Variants in LRRTM4 observed in about 807,000 individuals in gnomAD.
LRRTM4 encodes the protein leucine rich repeat transmembrane neuronal 4.
Under a neutral mutation model 47.6 loss-of-function variants are expected in LRRTM4, and 25 were observed. That is an observed-to-expected ratio of 0.53 (90% CI 0.38 to 0.73). The LOEUF (loss-of-function observed/expected upper bound fraction) is 0.73. LRRTM4 is among the 30% of genes least tolerant of loss of function. The probability of loss-of-function intolerance (pLI) is 0.00; values close to 1 mark genes in which losing one functional copy is unlikely to be tolerated. For synonymous variants in LRRTM4, 311 were observed against 269.5 expected (o/e 1.15, Z -1.51); for missense variants, 638 against 713.4 (o/e 0.89, Z 1.20).
chr2:77,478,360 A>G (rs974773229), intron 3 of LRRTM4, among the ~76,000 whole-genome samples: 3 of 152,184 alleles, frequency 2.0e-5, no homozygotes, highest in African/African-American at 4.8e-5. Context: ...GGGTTTCACA[A>G]TCTTCAAAAT....
chr2:77,458,047 G>A (rs954169585), intron 3 of LRRTM4, among the ~76,000 whole-genome samples: 1 of 152,120 alleles, frequency 6.6e-6, no homozygotes, highest in Non-Finnish European at 1.5e-5. Flanking sequence ...TCGTTCATAA[G>A]GAGCATTGGT....
At chr2:77,391,013 GA>G (rs547262637) in intron 3 of LRRTM4, among the ~76,000 whole-genome samples, 1 of 151,860 alleles carries the variant, frequency 6.6e-6, no homozygotes, top group Admixed American at 6.6e-5. Flanking sequence ...TTCAGACAAT[GA>G]AAAGGAGCTT....
intron 3 of LRRTM4, among the ~76,000 whole-genome samples, chr2:76,939,928 T>C (rs1395826551): frequency 6.6e-6 from 1 of 152,176 alleles, no homozygotes; most frequent in African/African-American, 2.4e-5. Context: ...CTGACAATTA[T>C]TCATTATTTC....
At chr2:77,049,526 G>C (rs145328515) in intron 3 of LRRTM4, among the ~76,000 whole-genome samples, 1,962 of 151,774 alleles carry the variant, frequency 0.013, 16 homozygotes, top group Middle Eastern at 0.041. Context: ...ATTTTGATTG[G>C]TATTTCTCTG....
chr2:76,986,234 G>C (rs1307447965), intron 3 of LRRTM4, among the ~76,000 whole-genome samples: 5 of 150,014 alleles, frequency 3.3e-5, no homozygotes, highest in Admixed American at 3.3e-4. Context: ...TTAAAATTCT[G>C]TTCTTTTAGT....
chr2:77,403,208 CT>C (rs1674031523), intron 3 of LRRTM4, among the ~76,000 whole-genome samples: 3 of 151,916 alleles, frequency 2.0e-5, no homozygotes. Context: ...ATCAATTTGC[CT>C]TCCTATACTG....
chr2:77,320,519 A>T (rs1677757996), intron 3 of LRRTM4, among the ~76,000 whole-genome samples: 1 of 152,208 alleles, frequency 6.6e-6, no homozygotes, highest in African/African-American at 2.4e-5. Context: ...CTTATTTTAA[A>T]TTAAGAAAGT....
chr2:77,042,786 C>T (rs1679081494), intron 3 of LRRTM4, among the ~76,000 whole-genome samples: 1 of 151,720 alleles, frequency 6.6e-6, no homozygotes, highest in Admixed American at 6.6e-5. Context: ...AATAAAAGCA[C>T]TTGTAACTTC....
intron 3 of LRRTM4, among the ~76,000 whole-genome samples, chr2:77,344,136 C>T (rs944838840): frequency 6.6e-6 from 1 of 151,676 alleles, no homozygotes; most frequent in South Asian, 2.1e-4. Flanking sequence ...TAAACAGGGC[C>T]TAGAATTCCA....
intron 3 of LRRTM4, among the ~76,000 whole-genome samples, chr2:77,443,401 C>G (rs1264790164): frequency 6.6e-6 from 1 of 152,090 alleles, no homozygotes; most frequent in East Asian, 1.9e-4. Flanking sequence ...ATATAATACC[C>G]GTATGGTAGC....
chr2:77,056,920 A>T (rs1051276903), intron 3 of LRRTM4, among the ~76,000 whole-genome samples: 1 of 152,202 alleles, frequency 6.6e-6, no homozygotes, highest in African/African-American at 2.4e-5. Flanking sequence ...CAGACAAACT[A>T]TAGTTCATAT....
At chr2:76,842,274 C>G (rs1671706160) in intron 3 of LRRTM4, among the ~76,000 whole-genome samples, 2 of 152,188 alleles carry the variant, frequency 1.3e-5, no homozygotes. Context: ...CATTGGCTCT[C>G]TGGGCTCTCA....
intron 3 of LRRTM4, among the ~76,000 whole-genome samples, chr2:76,813,624 G>T (rs578203871): frequency 6.6e-6 from 1 of 152,216 alleles, no homozygotes; most frequent in East Asian, 1.9e-4. Context: ...AAATGATGAA[G>T]TAGGCCAAGT....
chr2:77,037,215 G>A lies in LRRTM4; in HGVS notation c.1552-288299C>T, dbSNP rs562650341. Among the ~76,000 whole-genome samples, 4 of 151,844 alleles carry A rather than the reference G, an allele frequency of 2.6e-5. No individual in the cohort carries two copies. In the East Asian group the frequency reaches 7.7e-4, roughly 29 times the overall value. On this transcript the variant is annotated intron_variant, in intron 3 of 3. Transcript: ENST00000409884. ...GTCTATATACAGAGAGAGAATATGG[G>A]CTTCACGGATCCTGGTTTTCCAACA...
At chr2:76,866,507 T>C (rs76118741) in intron 3 of LRRTM4, among the ~76,000 whole-genome samples, 1 of 152,318 alleles carries the variant, frequency 6.6e-6, no homozygotes, top group South Asian at 2.1e-4. Context: ...ATTTTTTTTT[T>C]CTAAGACTGA....
chr2:76,996,077 G>A (rs10196939), intron 3 of LRRTM4, among the ~76,000 whole-genome samples: 76,375 of 151,594 alleles, frequency 0.5, 19,946 homozygotes, highest in African/African-American at 0.63. Context: ...GGAAACTATG[G>A]AACAAAACAT....
intron 3 of LRRTM4, among the ~76,000 whole-genome samples, chr2:76,807,459 CATAT>C (rs772135026): frequency 2.5e-4 from 21 of 85,626 alleles, no homozygotes; most frequent in East Asian, 2.0e-3. Context: ...TATATATATA[CATAT>C]ATATATACAT....
chr2:76,835,940 G>A (rs1202993324), intron 3 of LRRTM4, among the ~76,000 whole-genome samples: 2 of 151,952 alleles, frequency 1.3e-5, no homozygotes, highest in Admixed American at 6.6e-5. Flanking sequence ...TTATAGATTA[G>A]CAACGTTCTT....
rs575987716 is a variant in LRRTM4, at chr2:76,947,323, G to A, written c.1552-198407C>T. Among the ~76,000 whole-genome samples, 6 of 151,902 alleles carry A rather than the reference G, an allele frequency of 3.9e-5. No homozygotes were observed. The East Asian group carries it at 9.7e-4, about 25-fold the overall frequency. On this transcript the variant is annotated intron_variant, in intron 3 of 3. Coordinates refer to ENST00000409884, the MANE Select transcript of LRRTM4 (RefSeq NM_001134745.3). ...ACACTATCTTCATTTTAAGATGAGA[G>A]AGTTAAAAGCTAGATTTGATAGGCT...
Sources: allele counts gnomAD v4.1 joint callset (sites outside exome capture counted in the v4.1 genomes callset), GRCh38; gene constraint gnomAD v4.1.1; transcripts MANE v1.5; gene names NCBI Gene and HGNC (gene_info 2026-07-23, HGNC 2026-07-21).